The following NOSTRIN variants were observed in gnomAD, a reference collection of about 807,000 sequenced individuals.
NOSTRIN encodes nitric oxide synthase trafficking.
A neutral mutation model predicts 59.0 loss-of-function variants in NOSTRIN; 63 were observed. The ratio of observed to expected loss-of-function variants is 1.07; its 90% CI spans 0.87 to 1.32. NOSTRIN has a LOEUF of 1.32. Ranked by LOEUF, NOSTRIN falls within the 40% of genes most tolerant of loss-of-function variation. The probability of loss-of-function intolerance (pLI) is 0.00; values close to 1 mark genes in which losing one functional copy is unlikely to be tolerated. For synonymous variants in NOSTRIN, 200 were observed against 165.4 expected (o/e 1.21, Z -1.61); for missense variants, 512 against 473.1 (o/e 1.08, Z -0.76).
At chr2:168,838,451 G>C (rs567446598) in intron 7 of NOSTRIN, among the ~76,000 whole-genome samples, 1 of 152,280 alleles carries the variant, frequency 6.6e-6, no homozygotes, top group East Asian at 1.9e-4. Flanking sequence ...TGTTGGCCAG[G>C]CTGGTCTCGA....
intron 1 of NOSTRIN, among the ~76,000 whole-genome samples, chr2:168,809,859 CAGG>C (rs887556451): frequency 5.9e-5 from 9 of 151,776 alleles, no homozygotes; most frequent in African/African-American, 2.2e-4. Context: ...TCATGACTGA[CAGG>C]AGGATTATTT....
chr2:168,801,005 A>G (rs942897212), upstream of NOSTRIN: 1 of 151,548 alleles, frequency 6.6e-6, no homozygotes, highest in African/African-American at 2.4e-5. Context: ...TCAGCCTCCC[A>G]AAGTGCTAAG....
chr2:168,834,465 AG>A, intron 7 of NOSTRIN, 140 bp downstream of exon 7: 1 of 584,376 alleles, frequency 1.7e-6, no homozygotes, highest in Non-Finnish European at 3.1e-6. Context: ...AGAGCATAAA[AG>A]GGGATTCCAA....
At position 168,865,045 on chromosome 2, in the gene NOSTRIN, T is replaced by C; in HGVS notation, c.*75T>C. 1 of 1,503,422 alleles carries C rather than the reference T, an allele frequency of 6.7e-7. No individual in the cohort carries two copies. Among genetic ancestry groups the C allele is most frequent in the Non-Finnish European group, 9.1e-7 (1 of 1,103,440 alleles). 93.1% of individuals were successfully genotyped at this position (1,503,422 alleles called of 1,614,324 possible). On this transcript the variant is annotated 3_prime_UTR_variant, in exon 16 of 16. Transcript: ENST00000317647. ...TGTGGTTCAAATAAGAATAAAGTGC[T>C]CTTACCTTTACATGTTTTTCTTTTG...
intron 8 of NOSTRIN, among the ~76,000 whole-genome samples, chr2:168,847,265 T>A (rs953386626): frequency 6.6e-6 from 1 of 152,182 alleles, no homozygotes; most frequent in Admixed American, 6.5e-5. Flanking sequence ...TATATCAATA[T>A]GTTAATAGCA....
At chr2:168,863,133 C>T (rs1371445274) in intron 15 of NOSTRIN, among the ~76,000 whole-genome samples, 2 of 152,206 alleles carry the variant, frequency 1.3e-5, no homozygotes, top group South Asian at 2.1e-4. Context: ...CTGTTGGTTG[C>T]AAAGCCTACT....
At chr2:168,861,883 T>C in intron 14 of NOSTRIN, 77 bp from the exon 15 acceptor site, 8 of 1,348,072 alleles carry the variant, frequency 5.9e-6, no homozygotes, top group Non-Finnish European at 8.4e-6. Flanking sequence ...ATCACACTGT[T>C]AAATAACCAA....
chr2:168,855,206 GTAAAAC>G (rs1295154446), intron 10 of NOSTRIN, 140 bp from the exon 11 acceptor site: 2 of 499,062 alleles, frequency 4.0e-6, no homozygotes, highest in East Asian at 6.5e-5. Context: ...AACAATGTGT[GTAAAAC>G]TAAAGATTAT....
intron 15 of NOSTRIN, among the ~76,000 whole-genome samples, chr2:168,863,060 C>T (rs374123020): frequency 2.0e-5 from 3 of 152,082 alleles, no homozygotes; most frequent in Non-Finnish European, 4.4e-5. Flanking sequence ...CCACCTAGAA[C>T]CCATGGATGC....
At chr2:168,795,394 G>A (rs1007252971), upstream of NOSTRIN, among the ~76,000 whole-genome samples, 3 of 152,230 alleles carry the variant, frequency 2.0e-5, no homozygotes, top group Non-Finnish European at 4.4e-5. Flanking sequence ...TTTGTAAAAT[G>A]TCCTTGTTCT....
chr2:168,799,649 G>A (rs543199371), upstream of NOSTRIN, among the ~76,000 whole-genome samples: 1 of 152,258 alleles, frequency 6.6e-6, no homozygotes, highest in East Asian at 1.9e-4. Flanking sequence ...GGAGAGAACA[G>A]CCCTTATCCG....
chr2:168,840,716 G>A (rs73969979), intron 7 of NOSTRIN, among the ~76,000 whole-genome samples: 4,471 of 152,098 alleles, frequency 0.029, 215 homozygotes, highest in African/African-American at 0.1. Context: ...TAAATAGAGA[G>A]AGTCCATTTT....
upstream of NOSTRIN, among the ~76,000 whole-genome samples, chr2:168,796,235 G>A (rs543732970): frequency 1.4e-4 from 22 of 152,346 alleles, no homozygotes; most frequent in Non-Finnish European, 2.5e-4. Flanking sequence ...AGGACTAGGC[G>A]TCGTCCAGGA....
chr2:168,835,369 G>A (rs879500630), intron 7 of NOSTRIN, among the ~76,000 whole-genome samples: 3 of 152,122 alleles, frequency 2.0e-5, no homozygotes, highest in Non-Finnish European at 2.9e-5. Flanking sequence ...ATGAGCCACC[G>A]CCCCTGGCCA....
chr2:168,812,848 C>A (rs1033714603), intron 2 of NOSTRIN, among the ~76,000 whole-genome samples: 1 of 152,114 alleles, frequency 6.6e-6, no homozygotes, highest in East Asian at 1.9e-4. Context: ...CAACAACCCG[C>A]AGCATTTTTG....
intron 7 of NOSTRIN, among the ~76,000 whole-genome samples, chr2:168,842,582 T>C (rs1208352138): frequency 6.6e-6 from 1 of 152,242 alleles, no homozygotes; most frequent in African/African-American, 2.4e-5. Context: ...CACAAGTCTC[T>C]ACCTAACCTG....
At chr2:168,812,005 G>T (rs976554269) in intron 2 of NOSTRIN, 1 of 161,744 alleles carries the variant, frequency 6.2e-6, no homozygotes, top group African/African-American at 2.4e-5. Flanking sequence ...CTCTCCCCTC[G>T]AAGGGCAGAG....
intron 13 of NOSTRIN, 58 bp downstream of exon 13, chr2:168,859,695 T>A: frequency 6.3e-7 from 1 of 1,584,188 alleles, no homozygotes; most frequent in Non-Finnish European, 8.6e-7. Context: ...GTGGAGTGGC[T>A]TAAAGTAGCA....
At chr2:168,848,334 G>C (rs1300733603) in intron 8 of NOSTRIN, among the ~76,000 whole-genome samples, 1 of 151,990 alleles carries the variant, frequency 6.6e-6, no homozygotes, top group Non-Finnish European at 1.5e-5. Flanking sequence ...TCAGGGGACT[G>C]CCAGCGTAAA....
Sources: gnomAD v4.1 joint callset for allele counts (sites outside exome capture counted in the v4.1 genomes callset) on GRCh38, gnomAD v4.1.1 for gene constraint, MANE v1.5 for transcripts, NCBI Gene and HGNC (gene_info 2026-07-23, HGNC 2026-07-21) for gene names.